GLIS1: variants seen among roughly 807,000 people sequenced by gnomAD.
GLIS1 encodes the protein zinc finger protein GLIS1.
In GLIS1, 24 loss-of-function variants were observed where a neutral mutation model predicts 63.8. That is an observed-to-expected ratio of 0.38 (90% CI 0.27 to 0.53). The LOEUF is 0.53. Among genes scored for constraint, GLIS1 ranks in the 20% least tolerant of loss-of-function variants. GLIS1 has a pLI of 0.85. For synonymous variants in GLIS1, 450 were observed against 482.5 expected (o/e 0.93, Z 0.88); for missense variants, 1,036 against 1,074.1 (o/e 0.96, Z 0.50).
In GLIS1 at chr1:53,532,990, C is replaced by G. The variant is rs546096498; in HGVS notation, c.1321-3038G>C. Among the ~76,000 whole-genome samples the G allele has an allele frequency of 9.8e-5, 15 of 152,378 alleles. No individual in the cohort carries two copies. The South Asian group carries it at 3.1e-3, about 32-fold the overall frequency. ...GGTCTTCCAACATGGACCCAACTGCCTCTCCCATGCAGACGCTCCACGCGT... is the reference window on the plus strand; with the variant it reads ...GGTCTTCCAACATGGACCCAACTGCGTCTCCCATGCAGACGCTCCACGCGT... On this transcript the variant is annotated intron_variant, in intron 4 of 10. Coordinates refer to ENST00000628545, the MANE Select transcript of GLIS1 (RefSeq NM_001367484.1).
intron 2 of GLIS1, among the ~76,000 whole-genome samples, chr1:53,733,401 C>A (rs1188875927): frequency 6.6e-6 from 1 of 152,122 alleles, no homozygotes; most frequent in African/African-American, 2.4e-5. Flanking sequence ...CGATGTGATT[C>A]CACAGCTCTG....
chr1:53,646,500 A>T lies in GLIS1; in HGVS notation c.260-46222T>A, dbSNP rs1051378890. ...GGATAAATCTAACACAAGATATACA[A>T]GACCTCAACAAAGAAAATTGCTAGA... On this transcript the variant is annotated intron_variant, in intron 2 of 10. Coordinates refer to ENST00000628545, the MANE Select transcript of GLIS1 (RefSeq NM_001367484.1). This position sits in a 1 kb window ranked among gnomAD's most constrained non-coding sequence, Gnocchi z 4.2. 3.3e-5 allele frequency among the ~76,000 whole-genome samples: 5 copies of T among 152,248 alleles called. No homozygotes were observed. Among genetic ancestry groups the T allele is most frequent in the Non-Finnish European group, 4.4e-5 (3 of 68,048 alleles).
At chr1:53,568,511 A>G (rs1026880189) in intron 4 of GLIS1, among the ~76,000 whole-genome samples, 1 of 152,134 alleles carries the variant, frequency 6.6e-6, no homozygotes, top group African/African-American at 2.4e-5. Flanking sequence ...TAAATGTGAG[A>G]AGGACATGAG....
intron 4 of GLIS1, among the ~76,000 whole-genome samples, chr1:53,531,828 C>A (rs1455007482): frequency 6.6e-6 from 1 of 152,168 alleles, no homozygotes; most frequent in African/African-American, 2.4e-5. Context: ...GAGACACAGG[C>A]AGGCAATTCC....
chr1:53,651,552 T>G lies in GLIS1; in HGVS notation c.260-51274A>C, dbSNP rs72638000. Among the ~76,000 whole-genome samples the G allele has an allele frequency of 0.02, 3,092 of 152,148 alleles. 350 individuals carry two copies. The East Asian group carries it at 0.35, about 17-fold the overall frequency. ...TGCCTCTTGGGTGCCAAGGGGCTGGTGAGTGGATCACTGTCATCCTTTTGT... is the reference window on the plus strand; with the variant it reads ...TGCCTCTTGGGTGCCAAGGGGCTGGGGAGTGGATCACTGTCATCCTTTTGT... On this transcript the variant is annotated intron_variant, in intron 2 of 10. Transcript: ENST00000628545.
At chr1:53,645,173 T>TC (rs921468915) in intron 2 of GLIS1, among the ~76,000 whole-genome samples, 20 of 152,174 alleles carry the variant, frequency 1.3e-4, no homozygotes, top group African/African-American at 3.4e-4. Context: ...AGAATGCTTC[T>TC]CCCCCCCAGA....
At chr1:53,531,072 C>T (rs956420650) in intron 4 of GLIS1, among the ~76,000 whole-genome samples, 1 of 152,264 alleles carries the variant, frequency 6.6e-6, no homozygotes, top group South Asian at 2.1e-4. Context: ...AGGGCTGTGA[C>T]ATGGCAATGA....
chr1:53,571,902 G>A (rs1402130864), intron 4 of GLIS1, among the ~76,000 whole-genome samples: 1 of 152,114 alleles, frequency 6.6e-6, no homozygotes, highest in Non-Finnish European at 1.5e-5. Flanking sequence ...ATAATATTAA[G>A]TGAAAAAACT....
intron 2 of GLIS1, among the ~76,000 whole-genome samples, chr1:53,610,419 T>A (rs1472081992): frequency 1.3e-5 from 2 of 152,252 alleles, no homozygotes; most frequent in African/African-American, 2.4e-5. Flanking sequence ...ATTATTTCAT[T>A]ACTTCTGAAG....
intron 5 of GLIS1, among the ~76,000 whole-genome samples, chr1:53,527,458 G>A (rs995079782): frequency 8.5e-5 from 13 of 152,202 alleles, no homozygotes; most frequent in African/African-American, 2.2e-4. Context: ...GACCTCCCTC[G>A]CTCTCTGAAG....
intron 4 of GLIS1, among the ~76,000 whole-genome samples, chr1:53,565,420 A>C (rs1346138146): frequency 6.6e-6 from 1 of 152,102 alleles, no homozygotes; most frequent in African/African-American, 2.4e-5. Context: ...CGAAGATAAA[A>C]TAGAACCAAA....
intron 2 of GLIS1, among the ~76,000 whole-genome samples, chr1:53,689,405 C>T (rs1201198525): frequency 6.6e-6 from 1 of 152,142 alleles, no homozygotes; most frequent in Non-Finnish European, 1.5e-5. Flanking sequence ...CCAGTCCTCC[C>T]TCCTGGCTGC....
intron 8 of GLIS1, among the ~76,000 whole-genome samples, chr1:53,510,597 G>T (rs1644289191): frequency 1.3e-5 from 2 of 152,166 alleles, no homozygotes; most frequent in Non-Finnish European, 2.9e-5. Context: ...AGAGAGCTTT[G>T]CCCAAGTTAC....
chr1:53,506,827 T>A, intron 10 of GLIS1, 51 bp from the exon 11 acceptor site: 1 of 1,553,002 alleles, frequency 6.4e-7, no homozygotes, highest in African/African-American at 1.4e-5. Flanking sequence ...GGGCTGTGCC[T>A]GCGCATGCTT....
rs149914738 is a variant in GLIS1 at position 53,630,596 on chromosome 1, A to G, written c.260-30318T>C. Among the ~76,000 whole-genome samples, 228 of 152,214 alleles carry G rather than the reference A, an allele frequency of 1.5e-3. 2 individuals carry two copies. The East Asian group carries it at 0.023, about 15-fold the overall frequency. The stretch of plus-strand genomic sequence containing the variant: ...CTGCAACCTCTGCCTCCCGGGTTCA[A>G]GCAATTCTCCTGCCTCAGCCTCCCA... On this transcript the variant is annotated intron_variant, in intron 2 of 10. Coordinates refer to ENST00000628545, the MANE Select transcript of GLIS1 (RefSeq NM_001367484.1).
At chr1:53,640,967 GAA>G (rs1271298123) in intron 2 of GLIS1, among the ~76,000 whole-genome samples, 1 of 152,140 alleles carries the variant, frequency 6.6e-6, no homozygotes, top group Non-Finnish European at 1.5e-5. Context: ...CCTCTGGAGG[GAA>G]CAGAACCGGG....
chr1:53,713,117 G>A (rs1237257692), intron 2 of GLIS1, among the ~76,000 whole-genome samples: 2 of 152,172 alleles, frequency 1.3e-5, no homozygotes, highest in African/African-American at 4.8e-5. Flanking sequence ...GACATGCCAC[G>A]ACTTCAAGAC....
chr1:53,707,153 A>G (rs2100510444), intron 2 of GLIS1, among the ~76,000 whole-genome samples: 1 of 152,286 alleles, frequency 6.6e-6, no homozygotes, highest in African/African-American at 2.4e-5. Context: ...GCACCTTCCC[A>G]GGCTGTTTTG....
intron 4 of GLIS1, among the ~76,000 whole-genome samples, chr1:53,558,530 T>A (rs1313238395): frequency 1.3e-5 from 2 of 152,190 alleles, no homozygotes; most frequent in African/African-American, 4.8e-5. Flanking sequence ...GTTCACACTC[T>A]TCCCATGCCT....
Sources: gnomAD v4.1 joint callset for allele counts (sites outside exome capture counted in the v4.1 genomes callset) on GRCh38, gnomAD v4.1.1 for gene constraint, Gnocchi (gnomAD v3.1) non-coding constraint, MANE v1.5 for transcripts, NCBI Gene and HGNC (gene_info 2026-07-23, HGNC 2026-07-21) for gene names.